The following UBE2U variants were observed in gnomAD, a reference collection of about 807,000 sequenced individuals.
UBE2U encodes ubiquitin-conjugating enzyme E2 U.
Under a neutral mutation model 41.2 loss-of-function variants are expected in UBE2U, and 39 were observed. The ratio of observed to expected loss-of-function variants is 0.95; its 90% CI spans 0.73 to 1.24. The LOEUF is 1.24. Ranked by LOEUF, UBE2U falls within the 50% of genes most tolerant of loss-of-function variation. The probability of loss-of-function intolerance (pLI) is 0.00; values close to 1 mark genes in which losing one functional copy is unlikely to be tolerated. For missense variants in UBE2U, 336 were observed against 363.1 expected, an observed-to-expected ratio of 0.93 and a Z score of 0.61; for synonymous variants, 107 against 117.8, an observed-to-expected ratio of 0.91 and a Z score of 0.60.
At chr1:64,208,990 T>G (rs1651491186) in intron 3 of UBE2U, among the ~76,000 whole-genome samples, 1 of 152,238 alleles carries the variant, frequency 6.6e-6, no homozygotes, top group Non-Finnish European at 1.5e-5. Flanking sequence ...TATATGTGTT[T>G]GTGTGTATAT....
chr1:64,248,576 T>TTC (rs1408903172), intron 8 of UBE2U, among the ~76,000 whole-genome samples: 1 of 151,870 alleles, frequency 6.6e-6, no homozygotes, highest in East Asian at 1.9e-4. Flanking sequence ...CTTGTTTTTT[T>TTC]TTTTTACTTA....
chr1:64,257,321 T>C (rs370384912), intron 8 of UBE2U, among the ~76,000 whole-genome samples: 18 of 152,308 alleles, frequency 1.2e-4, no homozygotes, highest in Middle Eastern at 6.8e-3. Flanking sequence ...CCTATGTTCA[T>C]TGCAGCACTA....
At chr1:64,266,487 C>G (rs1645256358) in intron 9 of UBE2U, among the ~76,000 whole-genome samples, 1 of 152,144 alleles carries the variant, frequency 6.6e-6, no homozygotes, top group Admixed American at 6.6e-5. Context: ...AGGGTTGTGT[C>G]TGAGTTAAAT....
intron 4 of UBE2U, among the ~76,000 whole-genome samples, chr1:64,211,769 A>G (rs1313439701): frequency 6.6e-5 from 10 of 152,172 alleles, no homozygotes; most frequent in Non-Finnish European, 1.3e-4. Flanking sequence ...GTCCTTAAAA[A>G]TGCCTCCTTT....
At chr1:64,221,115 C>T (rs543395976) in intron 6 of UBE2U, among the ~76,000 whole-genome samples, 1 of 152,206 alleles carries the variant, frequency 6.6e-6, no homozygotes, top group East Asian at 1.9e-4. Context: ...TACATGATCT[C>T]GCTTTTTTCT....
chr1:64,248,454 ATTC>A (rs1362189318), intron 8 of UBE2U, among the ~76,000 whole-genome samples: 2 of 152,202 alleles, frequency 1.3e-5, no homozygotes, highest in African/African-American at 4.8e-5. Flanking sequence ...AGTAAGTTTT[ATTC>A]TTCTTATTAT....
chr1:64,251,378 GAAT>G (rs1557743270), intron 8 of UBE2U, among the ~76,000 whole-genome samples: 1 of 151,846 alleles, frequency 6.6e-6, no homozygotes, highest in East Asian at 1.9e-4. Flanking sequence ...TGAAAATTTC[GAAT>G]AATGTAAATT....
At chr1:64,231,722 A>G (rs1270742139) in intron 6 of UBE2U, among the ~76,000 whole-genome samples, 4 of 152,212 alleles carry the variant, frequency 2.6e-5, no homozygotes, top group African/African-American at 4.8e-5. Context: ...TAATGCTAAT[A>G]TACTTGTTCT....
chr1:64,253,544 A>G (rs1362700928), intron 8 of UBE2U, among the ~76,000 whole-genome samples: 3 of 151,432 alleles, frequency 2.0e-5, no homozygotes, highest in African/African-American at 4.9e-5. Context: ...AGGGAAGCCC[A>G]TCAGACTAAC....
intron 9 of UBE2U, 36 bp from the exon 10 acceptor site, chr1:64,266,988 C>G (rs753529046): frequency 6.6e-7 from 1 of 1,507,322 alleles, no homozygotes; most frequent in South Asian, 1.3e-5. Context: ...CTTATTATGT[C>G]TATTAAATTT....
At chr1:64,204,920 ATGGACCTAACATT>A (rs1235147996) in intron 1 of UBE2U, among the ~76,000 whole-genome samples, 3 of 152,236 alleles carry the variant, frequency 2.0e-5, no homozygotes, top group African/African-American at 7.2e-5. Flanking sequence ...TTCCTGGGGC[ATGGACCTAACATT>A]TGATATTGTT....
In UBE2U at chr1:64,205,741, T is replaced by A. The variant is rs907986874; in HGVS notation, c.148+21T>A. On this transcript the variant is annotated intron_variant, in intron 2 of 9. Coordinates refer to ENST00000371077, the MANE Select transcript of UBE2U (RefSeq NM_001366232.2). ...GCAGGGTTTGTATTTTCAAAACCAA[T>A]CTATTTTTTAAAAAAGTCTTTATAC... 2.4e-5 allele frequency: 38 copies of A among 1,598,554 alleles called. No individual in the cohort carries two copies. In the East Asian group the frequency reaches 2.9e-4, roughly 12 times the overall value.
At chr1:64,208,362 T>C (rs2100248708) in intron 3 of UBE2U, among the ~76,000 whole-genome samples, 1 of 152,130 alleles carries the variant, frequency 6.6e-6, no homozygotes, top group South Asian at 2.1e-4. Context: ...ATCCCAGTAC[T>C]TTGGGTGGTC....
intron 7 of UBE2U, among the ~76,000 whole-genome samples, chr1:64,237,299 T>G (rs1570068318): frequency 9.7e-6 from 1 of 103,162 alleles, no homozygotes; most frequent in African/African-American, 3.5e-5. Context: ...AAGAGATGTA[T>G]CATAGAAAAA....
chr1:64,220,072 A>G (rs1199437747), intron 5 of UBE2U, among the ~76,000 whole-genome samples: 4 of 152,132 alleles, frequency 2.6e-5, no homozygotes, highest in Non-Finnish European at 4.4e-5. Flanking sequence ...ATCTTTGACT[A>G]TCCATTCTTA....
chr1:64,212,227 C>T (rs560359333), intron 4 of UBE2U, among the ~76,000 whole-genome samples: 1 of 152,212 alleles, frequency 6.6e-6, no homozygotes, highest in Admixed American at 6.5e-5. Context: ...CTTTGGATTC[C>T]TTTAAACTGA....
chr1:64,241,451 A>G (rs1455133992), intron 7 of UBE2U, among the ~76,000 whole-genome samples: 3 of 152,236 alleles, frequency 2.0e-5, no homozygotes, highest in Non-Finnish European at 4.4e-5. Flanking sequence ...AATCTATTTC[A>G]AACAATATCT....
At chr1:64,208,845 T>C (rs1651481891) in intron 3 of UBE2U, among the ~76,000 whole-genome samples, 2 of 152,276 alleles carry the variant, frequency 1.3e-5, no homozygotes, top group African/African-American at 2.4e-5. Flanking sequence ...ATAGTAGGTA[T>C]TCAGATATTT....
intron 8 of UBE2U, among the ~76,000 whole-genome samples, chr1:64,250,949 A>G (rs537943704): frequency 2.0e-5 from 3 of 151,268 alleles, no homozygotes; most frequent in East Asian, 1.9e-4. Flanking sequence ...GCATTAGGAG[A>G]TACACCTAAT....
Sources: allele counts gnomAD v4.1 joint callset (sites outside exome capture counted in the v4.1 genomes callset), GRCh38; gene constraint gnomAD v4.1.1; transcripts MANE v1.5; gene names NCBI Gene and HGNC (gene_info 2026-07-23, HGNC 2026-07-21).